GABRA1: variants seen among roughly 807,000 people sequenced by gnomAD.
The protein encoded by GABRA1 is gamma-aminobutyric acid type A receptor subunit alpha1.
A neutral mutation model predicts 48.9 loss-of-function variants in GABRA1; 9 were observed. The ratio of observed to expected loss-of-function variants is 0.18; its 90% CI spans 0.11 to 0.32. The LOEUF is 0.32. Among genes scored for constraint, GABRA1 ranks in the 10% least tolerant of loss-of-function variants. GABRA1 has a pLI of 1.00. For synonymous variants in GABRA1, 210 were observed against 198.7 expected (o/e 1.06, Z -0.48); for missense variants, 285 against 553.8 (o/e 0.51, Z 4.87).
intron 3 of GABRA1, among the ~76,000 whole-genome samples, chr5:161,865,363 T>A (rs1269738933): frequency 6.6e-6 from 1 of 152,116 alleles, no homozygotes; most frequent in Non-Finnish European, 1.5e-5. Context: ...TGTCTAGCCA[T>A]GTAAAAATAC....
intron 3 of GABRA1, among the ~76,000 whole-genome samples, chr5:161,860,782 A>G (rs1255409785): frequency 1.3e-5 from 2 of 151,820 alleles, no homozygotes; most frequent in Non-Finnish European, 2.9e-5. Flanking sequence ...TATCCACAAA[A>G]AATTAGAAAT....
At chr5:161,879,723 C>T (rs1222385980) in intron 6 of GABRA1, among the ~76,000 whole-genome samples, 2 of 152,162 alleles carry the variant, frequency 1.3e-5, no homozygotes, top group Non-Finnish European at 2.9e-5. Flanking sequence ...AATGAGTCAT[C>T]TGCACCTTCA....
At chr5:161,891,193 T>C in intron 8 of GABRA1, 143 bp downstream of exon 8, 1 of 791,170 alleles carries the variant, frequency 1.3e-6, no homozygotes, top group African/African-American at 1.7e-5. Context: ...GAATTGCCAC[T>C]CTCATTATGG....
chr5:161,877,864 C>A (rs1754430369), intron 6 of GABRA1, among the ~76,000 whole-genome samples: 1 of 152,184 alleles, frequency 6.6e-6, no homozygotes, highest in African/African-American at 2.4e-5. Context: ...TGGTTCTTAG[C>A]ATGGCTGACT....
At chr5:161,863,788 A>G (rs1757950987) in intron 3 of GABRA1, among the ~76,000 whole-genome samples, 1 of 151,770 alleles carries the variant, frequency 6.6e-6, no homozygotes, top group African/African-American at 2.4e-5. Context: ...TTATATAGTT[A>G]TATACGCCTC....
intron 7 of GABRA1, among the ~76,000 whole-genome samples, chr5:161,883,262 G>T (rs565309490): frequency 1.3e-5 from 2 of 152,032 alleles, no homozygotes; most frequent in Non-Finnish European, 2.9e-5. Context: ...AGCATCTTCC[G>T]CAGCTAAAGC....
upstream of GABRA1, chr5:161,847,364 A>C (rs1445228028): frequency 6.6e-6 from 1 of 152,150 alleles, no homozygotes; most frequent in African/African-American, 2.4e-5. Flanking sequence ...GATCGGAGTG[A>C]TTTATTAGTT....
At position 161,898,654 on chromosome 5, in the gene GABRA1, T is replaced by C. The variant is rs1755481211; in HGVS notation, c.*1232T>C. The C allele has an allele frequency of 6.6e-6, 1 of 152,510 alleles. No individual in the cohort carries two copies. Among genetic ancestry groups the C allele is most frequent in the African/African-American group, 2.4e-5 (1 of 41,456 alleles). The allele number at this position is 152,510 out of a possible 1,614,324, so 9.4% of individuals were successfully genotyped here. A position where few individuals can be genotyped will look rare whatever the true frequency, so the allele number is the denominator to read the frequency against. Reference sequence around the variant, plus strand: ...AACTTATAATTTCCAAACTGTTGTCTAGTATACAGTGATCAGTTGCTCTCT... The same window carrying C: ...AACTTATAATTTCCAAACTGTTGTCCAGTATACAGTGATCAGTTGCTCTCT... On this transcript the variant is annotated 3_prime_UTR_variant, in exon 10 of 10. Transcript: ENST00000393943.
At chr5:161,864,573 C>A (rs1329825076) in intron 3 of GABRA1, among the ~76,000 whole-genome samples, 4 of 151,844 alleles carry the variant, frequency 2.6e-5, no homozygotes, top group Admixed American at 1.3e-4. Flanking sequence ...AGGTGAATCA[C>A]CTTTTTTATG....
chr5:161,866,878 A>G (rs907326270), intron 4 of GABRA1, among the ~76,000 whole-genome samples: 1 of 152,150 alleles, frequency 6.6e-6, no homozygotes, highest in Non-Finnish European at 1.5e-5. Context: ...TGTGGAGTAT[A>G]TAAGAGGTAA....
At chr5:161,893,046 AAT>A (rs372956254) in intron 8 of GABRA1, among the ~76,000 whole-genome samples, 4 of 137,376 alleles carry the variant, frequency 2.9e-5, no homozygotes, top group African/African-American at 1.1e-4. Context: ...TAATAATAAT[AAT>A]AAAATAAACA....
intron 1 of GABRA1, chr5:161,848,777 T>C: frequency 3.2e-6 from 1 of 307,724 alleles, no homozygotes; most frequent in Non-Finnish European, 6.4e-6. Flanking sequence ...GGTCTTTTAT[T>C]TATTTATTTA....
At chr5:161,871,236 T>A (rs995077211) in intron 4 of GABRA1, among the ~76,000 whole-genome samples, 5 of 152,126 alleles carry the variant, frequency 3.3e-5, no homozygotes, top group Admixed American at 2.6e-4. Context: ...ATAAAACCTC[T>A]TTGGAGCAAG....
chr5:161,870,295 A>C (rs4446506), intron 4 of GABRA1, among the ~76,000 whole-genome samples: 78,012 of 151,866 alleles, frequency 0.51, 20,835 homozygotes, highest in East Asian at 0.65. Flanking sequence ...GGCACAGTGG[A>C]TCACTCCTAT....
intron 8 of GABRA1, 62 bp downstream of exon 8, chr5:161,891,112 G>A: frequency 6.9e-7 from 1 of 1,444,494 alleles, no homozygotes; most frequent in East Asian, 2.3e-5. Flanking sequence ...TGTCATATCT[G>A]TGACACTGCA....
chr5:161,897,515 T>C lies in GABRA1; in HGVS notation c.*93T>C. 1 of 1,196,914 alleles carries C rather than the reference T, an allele frequency of 8.4e-7. No individual in the cohort carries two copies. Among genetic ancestry groups the C allele is most frequent in the Non-Finnish European group, 1.2e-6 (1 of 820,676 alleles). The allele number at this position is 1,196,914 out of a possible 1,614,324, so 74.1% of individuals were successfully genotyped here. ...ATTCCCATCTGCTTTATTGCCTCTGTCTTAAAGAATTTGAAAGTTTCCTTA... is the reference window on the plus strand; with the variant it reads ...ATTCCCATCTGCTTTATTGCCTCTGCCTTAAAGAATTTGAAAGTTTCCTTA... On this transcript the variant is annotated 3_prime_UTR_variant, in exon 10 of 10. Coordinates refer to ENST00000393943, the MANE Select transcript of GABRA1 (RefSeq NM_001127644.2).
chr5:161,856,912 C>T (rs551656234), intron 3 of GABRA1, among the ~76,000 whole-genome samples: 81 of 151,138 alleles, frequency 5.4e-4, no homozygotes, highest in African/African-American at 1.8e-3. Context: ...ATTAAGTTGA[C>T]ATTATTGTGG....
At chr5:161,854,399 A>T (rs1464019682) in intron 3 of GABRA1, 129 bp downstream of exon 3, 2 of 698,948 alleles carry the variant, frequency 2.9e-6, no homozygotes, top group Non-Finnish European at 5.3e-6. Flanking sequence ...ATCTATTTTT[A>T]ATGGATCACT....
intron 1 of GABRA1, among the ~76,000 whole-genome samples, chr5:161,849,478 T>C (rs547480268): frequency 1.5e-4 from 23 of 152,224 alleles, no homozygotes; most frequent in Non-Finnish European, 2.4e-4. Context: ...GGAAAAGCTA[T>C]GACGAGGCTC....
Sources: gnomAD v4.1 joint callset for allele counts (sites outside exome capture counted in the v4.1 genomes callset) on GRCh38, gnomAD v4.1.1 for gene constraint, MANE v1.5 for transcripts, NCBI Gene and HGNC (gene_info 2026-07-23, HGNC 2026-07-21) for gene names.